The following TCF7L2 variants were observed in gnomAD, a reference collection of about 807,000 sequenced individuals.
TCF7L2 encodes transcription factor 7 like 2.
In TCF7L2, 23 loss-of-function variants were observed where a neutral mutation model predicts 77.9. That is an observed-to-expected ratio of 0.30 (90% CI 0.21 to 0.42). TCF7L2 has a LOEUF of 0.42. TCF7L2 is among the 10% of genes least tolerant of loss of function. The probability of loss-of-function intolerance (pLI) is 1.00; values close to 1 mark genes in which losing one functional copy is unlikely to be tolerated. For missense variants in TCF7L2, 654 were observed against 793.1 expected (o/e 0.82, Z 2.11); for synonymous variants, 413 against 340.2 (o/e 1.21, Z -2.36).
At chr10:113,155,952 C>G (rs150760582) in intron 11 of TCF7L2, among the ~76,000 whole-genome samples, 41 of 152,226 alleles carry the variant, frequency 2.7e-4, no homozygotes, top group African/African-American at 9.2e-4. Flanking sequence ...AACAGAAGGC[C>G]AAAACAAAGC....
intron 5 of TCF7L2, among the ~76,000 whole-genome samples, chr10:113,102,463 C>T (rs1378185266): frequency 6.8e-6 from 1 of 147,344 alleles, no homozygotes; most frequent in African/African-American, 2.5e-5. Context: ...CTCGCTCTGT[C>T]GCCGAGGCTG....
chr10:113,039,700 C>T (rs887908395), intron 4 of TCF7L2, among the ~76,000 whole-genome samples: 10 of 152,066 alleles, frequency 6.6e-5, no homozygotes, highest in African/African-American at 2.2e-4. Flanking sequence ...TCTCCCTCCC[C>T]ACCTCTCCCA....
intron 4 of TCF7L2, among the ~76,000 whole-genome samples, chr10:112,970,263 A>G (rs947088649): frequency 6.6e-6 from 1 of 151,980 alleles, no homozygotes; most frequent in African/African-American, 2.4e-5. Context: ...ATTTGTTTAC[A>G]CAGCTGAGGA....
At chr10:113,128,282 A>G (rs1564932240) in intron 5 of TCF7L2, among the ~76,000 whole-genome samples, 1 of 151,904 alleles carries the variant, frequency 6.6e-6, no homozygotes, top group Non-Finnish European at 1.5e-5. Flanking sequence ...CAGTATTTTA[A>G]AAAAGAAGAA....
At chr10:113,025,745 A>G (rs2049035607) in intron 4 of TCF7L2, among the ~76,000 whole-genome samples, 1 of 152,106 alleles carries the variant, frequency 6.6e-6, no homozygotes, top group Admixed American at 6.5e-5. Context: ...TGATGTTATT[A>G]TCCACATTTT....
At chr10:113,112,315 A>AGCAGAAGGG (rs2063235092) in intron 5 of TCF7L2, among the ~76,000 whole-genome samples, 1 of 152,252 alleles carries the variant, frequency 6.6e-6, no homozygotes, top group Non-Finnish European at 1.5e-5. Flanking sequence ...CTGTGCTGTC[A>AGCAGAAGGG]GCAGAAGGGG....
intron 5 of TCF7L2, among the ~76,000 whole-genome samples, chr10:113,080,051 TGCACCACAGACACACCACACACACAC>T (rs1481481148): frequency 6.6e-6 from 1 of 151,794 alleles, no homozygotes; most frequent in Non-Finnish European, 1.5e-5. Flanking sequence ...CACACACACA[TGCACCACAGACACACCACACACACAC>T]AGCCCACATA....
intron 5 of TCF7L2, among the ~76,000 whole-genome samples, chr10:113,101,810 T>G (rs1259759312): frequency 1.6e-5 from 2 of 124,448 alleles, no homozygotes; most frequent in African/African-American, 6.4e-5. Context: ...GCCACTGCAC[T>G]CCAGCCTGGG....
chr10:113,071,376 G>A (rs1462427978), intron 5 of TCF7L2, among the ~76,000 whole-genome samples: 1 of 152,104 alleles, frequency 6.6e-6, no homozygotes, highest in Non-Finnish European at 1.5e-5. Context: ...GAGAGTTTTT[G>A]CTTTGAGGGT....
chr10:113,139,206 G>A (rs2067910222), intron 5 of TCF7L2, among the ~76,000 whole-genome samples: 1 of 152,216 alleles, frequency 6.6e-6, no homozygotes, highest in African/African-American at 2.4e-5. Flanking sequence ...CTGGAAGGCA[G>A]CAACAGTCAT....
intron 4 of TCF7L2, among the ~76,000 whole-genome samples, chr10:113,027,117 G>A (rs2049322613): frequency 6.6e-6 from 1 of 152,202 alleles, no homozygotes; most frequent in South Asian, 2.1e-4. Flanking sequence ...AGTTAGTGGT[G>A]CTGACTAATT....
At chr10:113,095,440 G>A (rs181533457) in intron 5 of TCF7L2, among the ~76,000 whole-genome samples, 1 of 152,178 alleles carries the variant, frequency 6.6e-6, no homozygotes, top group East Asian at 1.9e-4. Flanking sequence ...TTTTGTTGAA[G>A]TCTTTTAGGC....
chr10:113,153,243 C>G (rs184857495), intron 11 of TCF7L2, among the ~76,000 whole-genome samples: 41 of 152,392 alleles, frequency 2.7e-4, no homozygotes, highest in Non-Finnish European at 4.3e-4. Context: ...TGTCACTTCT[C>G]ACCATTGCTG....
intron 3 of TCF7L2, among the ~76,000 whole-genome samples, chr10:112,963,013 G>GT (rs953946795): frequency 5.9e-5 from 9 of 152,000 alleles, no homozygotes; most frequent in Admixed American, 2.0e-4. Flanking sequence ...CAGGTATAGG[G>GT]TTTTTTTCCC....
chr10:113,069,897 C>T (rs1012568061), intron 5 of TCF7L2, among the ~76,000 whole-genome samples: 1 of 152,016 alleles, frequency 6.6e-6, no homozygotes, highest in Non-Finnish European at 1.5e-5. Flanking sequence ...ATAGCGGCTC[C>T]CACTGGATCA....
At chr10:113,106,041 G>C (rs751310584) in intron 5 of TCF7L2, among the ~76,000 whole-genome samples, 1 of 152,166 alleles carries the variant, frequency 6.6e-6, no homozygotes, top group African/African-American at 2.4e-5. Context: ...AACAGGTAAG[G>C]TGCAAATGGG....
At chr10:113,021,643 A>AGG (rs2048284252) in intron 4 of TCF7L2, among the ~76,000 whole-genome samples, 1 of 152,242 alleles carries the variant, frequency 6.6e-6, no homozygotes, top group Non-Finnish European at 1.5e-5. Flanking sequence ...TAACCCCCCC[A>AGG]GGGTCTCTCA....
chr10:113,165,805 T>C lies in TCF7L2; in HGVS notation c.1642T>C (p.Ser548Pro), dbSNP rs1243163348. The change falls in exon 14 of 14, where the codon TCC becomes CCC. Residue 548 changes from serine to proline, a missense_variant. Physicochemically the swap from Ser to Pro is moderately conservative, Grantham distance 74. Transcript: ENST00000627217. ...GCTCGCTGAGGCCACCCACAAGGCC[T>C]CCGCCCTCTGTCCCAACGGGGCCCT... is the stretch of plus-strand genomic sequence containing the variant. 1.2e-6 allele frequency: 2 copies of C among 1,604,164 alleles called. No homozygotes were observed. The highest frequency in any genetic ancestry group is 1.7e-6 in the Non-Finnish European group (2 of 1,174,478).
chr10:112,951,720 TCC>T, intron 3 of TCF7L2, 113 bp downstream of exon 3: 1 of 310,050 alleles, frequency 3.2e-6, no homozygotes, highest in African/African-American at 4.2e-5. Flanking sequence ...CCCCGCCTCC[TCC>T]CCTCCCTCCC....
Sources: allele counts gnomAD v4.1 joint callset (sites outside exome capture counted in the v4.1 genomes callset), GRCh38; gene constraint gnomAD v4.1.1; transcripts MANE v1.5; gene names NCBI Gene and HGNC (gene_info 2026-07-23, HGNC 2026-07-21).